UEVLD: variants seen among roughly 807,000 people sequenced by gnomAD.
UEVLD encodes ubiquitin-conjugating enzyme E2 variant 3.
In UEVLD, 47 loss-of-function variants were observed where a neutral mutation model predicts 58.6. That is an observed-to-expected ratio of 0.80 (90% CI 0.63 to 1.02). The LOEUF is 1.02. Among genes scored for constraint, UEVLD ranks in the 50% least tolerant of loss-of-function variants. The probability of loss-of-function intolerance (pLI) is 0.00; values close to 1 mark genes in which losing one functional copy is unlikely to be tolerated. For missense variants in UEVLD, 510 were observed against 550.6 expected (o/e 0.93, Z 0.74); for synonymous variants, 197 against 195.3 (o/e 1.01, Z -0.07).
intron 1 of UEVLD, 116 bp downstream of exon 1, chr11:18,588,497 C>T: frequency 7.8e-7 from 1 of 1,280,398 alleles, no homozygotes; most frequent in East Asian, 2.6e-5. Flanking sequence ...CCAGCCGCCC[C>T]GGCTCCAAGC....
intron 9 of UEVLD, chr11:18,536,873 A>T: frequency 5.4e-6 from 1 of 185,750 alleles, no homozygotes; most frequent in Non-Finnish European, 1.1e-5. Flanking sequence ...CACAGCTGTT[A>T]CAGAGGCAGA....
rs762910633 is a variant in UEVLD at position 18,544,991 on chromosome 11, C to CAT, written c.887-196_887-195insAT. 4.1e-5 allele frequency among the ~76,000 whole-genome samples: 6 copies of CAT among 147,160 alleles called. No individual in the cohort carries two copies. The South Asian group carries it at 6.4e-4, about 16-fold the overall frequency. On this transcript the variant is annotated intron_variant, in intron 8 of 11. Coordinates refer to ENST00000396197, the MANE Select transcript of UEVLD (RefSeq NM_001040697.4). ...CACATATAATACACACATACATACA[C>CAT]ACATATATATACACGTATGTATATA...
chr11:18,561,116 C>T (rs897391969), intron 6 of UEVLD, among the ~76,000 whole-genome samples: 1 of 152,164 alleles, frequency 6.6e-6, no homozygotes, highest in Non-Finnish European at 1.5e-5. Flanking sequence ...TTGAAAGCCA[C>T]ACTTTGTTTA....
intron 6 of UEVLD, among the ~76,000 whole-genome samples, chr11:18,560,138 C>CACAGACACACACAG (rs368897951): frequency 1.3e-5 from 1 of 74,816 alleles, no homozygotes; most frequent in Admixed American, 1.5e-4. Flanking sequence ...CACACACACA[C>CACAGACACACACAG]AGAGAGAGAA....
At chr11:18,561,226 C>T (rs747609819) in intron 6 of UEVLD, among the ~76,000 whole-genome samples, 2 of 152,190 alleles carry the variant, frequency 1.3e-5, no homozygotes, top group Non-Finnish European at 2.9e-5. Context: ...ACTTGGGTAA[C>T]CGCCCTATGC....
At chr11:18,541,183 A>G (rs1175629269) in intron 9 of UEVLD, among the ~76,000 whole-genome samples, 1 of 152,240 alleles carries the variant, frequency 6.6e-6, no homozygotes, top group Non-Finnish European at 1.5e-5. Context: ...ATTCTTACTC[A>G]TTCAATATTT....
chr11:18,555,375 G>A (rs985477750), intron 7 of UEVLD, among the ~76,000 whole-genome samples: 7 of 151,476 alleles, frequency 4.6e-5, no homozygotes, highest in African/African-American at 7.3e-5. Context: ...GCAGTGAGCC[G>A]AGATCGTGCC....
At chr11:18,567,984 A>G (rs1437869882) in intron 4 of UEVLD, among the ~76,000 whole-genome samples, 1 of 152,076 alleles carries the variant, frequency 6.6e-6, no homozygotes, top group Non-Finnish European at 1.5e-5. Flanking sequence ...GTCTGTACAA[A>G]AAATTTTAAA....
rs760917180 is a variant in UEVLD, at chr11:18,534,343, G to T, written c.1235C>A (p.Ser412Ter). ...VNNKKKVHSV[S>*]ALAKGYYDIN... The stretch of plus-strand genomic sequence containing the variant: ...AATAGCAATTACCTTTGCTAAAGCT[G>T]ATACAGAATGCACTTTCTTCTTATT... Residue 412 changes from serine to a stop codon, truncating the protein, a stop_gained, in exon 11 of 12, where the codon TCA becomes TAA. Transcript: ENST00000396197. LOFTEE classifies it high-confidence loss of function. The T allele has an allele frequency of 6.5e-7, 1 of 1,541,976 alleles. No homozygotes were observed. The highest frequency in any genetic ancestry group is 2.3e-5 in the Admixed American group (1 of 43,690).
chr11:18,579,438 C>T (rs776103194), intron 1 of UEVLD: 56 of 985,282 alleles, frequency 5.7e-5, no homozygotes, highest in Non-Finnish European at 6.7e-5. Context: ...CTCCAGACAG[C>T]TTAAATGATG....
intron 1 of UEVLD, among the ~76,000 whole-genome samples, chr11:18,585,931 AG>A (rs1411745301): frequency 6.6e-6 from 1 of 152,164 alleles, no homozygotes; most frequent in Non-Finnish European, 1.5e-5. Context: ...CACCACACCC[AG>A]CCCTCATATC....
In UEVLD at chr11:18,566,422, G is replaced by T. The variant is rs922500549; in HGVS notation, c.418C>A (p.Pro140Thr). The T allele has an allele frequency of 6.2e-7, 1 of 1,614,080 alleles. No individual in the cohort carries two copies. The highest frequency in any genetic ancestry group is 8.5e-7 in the Non-Finnish European group (1 of 1,180,014). ...EMIAKFQEEL[P>T]MYSLSSSDEA... ...TCAGATGATGATAGAGAATACATGG[G>T]AAGTTCCTCTTGAAACTTGGCAATC... Residue 140 changes from proline to threonine, a missense_variant, in exon 5 of 12, where the codon CCC (proline) becomes ACC (threonine). Transcript: ENST00000396197.
intron 3 of UEVLD, among the ~76,000 whole-genome samples, chr11:18,573,206 T>C (rs1324328833): frequency 1.2e-4 from 18 of 152,192 alleles, no homozygotes; most frequent in Admixed American, 1.1e-3. Context: ...TCTGCCCTCA[T>C]GTTACCGCCC....
chr11:18,575,949 C>A (rs538491491), intron 2 of UEVLD, among the ~76,000 whole-genome samples: 2 of 152,188 alleles, frequency 1.3e-5, no homozygotes, highest in Non-Finnish European at 2.9e-5. Flanking sequence ...GGCCTTTTCC[C>A]ATTTTCATTA....
chr11:18,550,182 C>T (rs1229347835), intron 7 of UEVLD, among the ~76,000 whole-genome samples: 1 of 152,036 alleles, frequency 6.6e-6, no homozygotes, highest in African/African-American at 2.4e-5. Flanking sequence ...GACATGGGGT[C>T]TTGCTATGTT....
At chr11:18,579,999 C>A (rs1176676676) in intron 1 of UEVLD, among the ~76,000 whole-genome samples, 1 of 144,250 alleles carries the variant, frequency 6.9e-6, no homozygotes, top group Non-Finnish European at 1.5e-5. Context: ...TTTTCCTCAA[C>A]AGATTCAACA....
intron 4 of UEVLD, among the ~76,000 whole-genome samples, chr11:18,567,662 A>T (rs903993707): frequency 2.0e-5 from 3 of 152,246 alleles, no homozygotes; most frequent in Middle Eastern, 3.2e-3. Flanking sequence ...CAAATTCCAT[A>T]GGCCTAACGC....
At chr11:18,587,242 T>C (rs1853622537) in intron 1 of UEVLD, among the ~76,000 whole-genome samples, 1 of 152,218 alleles carries the variant, frequency 6.6e-6, no homozygotes, top group African/African-American at 2.4e-5. Flanking sequence ...TCCATCATCC[T>C]CTGCACATTA....
At chr11:18,572,222 C>T (rs373275878) in intron 3 of UEVLD, among the ~76,000 whole-genome samples, 3 of 151,504 alleles carry the variant, frequency 2.0e-5, no homozygotes, top group Non-Finnish European at 4.4e-5. Flanking sequence ...GGCGACAGTG[C>T]GAGACTCCGT....
Sources: gnomAD v4.1 joint callset for allele counts (sites outside exome capture counted in the v4.1 genomes callset) on GRCh38, gnomAD v4.1.1 for gene constraint, MANE v1.5 for transcripts, NCBI Gene and HGNC (gene_info 2026-07-23, HGNC 2026-07-21) for gene names.